Variants in ANKRD30B observed in about 807,000 individuals in gnomAD.
ANKRD30B encodes ankyrin repeat domain 30B, also known as ankyrin repeat domain-containing protein 30B.
Under a neutral mutation model 202.2 loss-of-function variants are expected in ANKRD30B, and 144 were observed. The observed-to-expected ratio is 0.71, with a 90% CI of 0.62 to 0.82. The LOEUF (loss-of-function observed/expected upper bound fraction) is 0.82, where lower values mean the gene tolerates loss of function less well. Among genes scored for constraint, ANKRD30B ranks in the 40% least tolerant of loss-of-function variants. ANKRD30B has a pLI of 0.00. For synonymous variants in ANKRD30B, 508 were observed against 561.3 expected, an observed-to-expected ratio of 0.91 and a Z score of 1.34; for missense variants, 1,487 against 1,669.1, an observed-to-expected ratio of 0.89 and a Z score of 1.90.
the ANKRD30B span, among the ~76,000 whole-genome samples, chr18:14,866,114 G>A: frequency 0.045 from 6,290 of 140,088 alleles, 425 homozygotes; most frequent in African/African-American, 0.15. Flanking sequence ...TCACCCAATC[G>A]GAACATGTAG....
In ANKRD30B at chr18:14,752,584, C is replaced by A. The variant is rs866642557; in HGVS notation, c.240C>A (p.Ala80=). The A allele has an allele frequency of 6.2e-7, 1 of 1,612,576 alleles. No homozygotes were observed. The highest frequency in any genetic ancestry group is 8.5e-7 in the Non-Finnish European group (1 of 1,179,164). The change falls in exon 2 of 44, where the codon GCC becomes GCA. Residue 80 remains alanine, a synonymous_variant. Coordinates refer to ENST00000690538, the MANE Select transcript of ANKRD30B (RefSeq NM_001367607.2). ...DMKKRTALHW[A]CVNGHAEVVT... ...CTCGTAGGACTGCTCTACACTGGGC[C>A]TGTGTCAATGGCCATGCAGAAGTAG...
the ANKRD30B span, among the ~76,000 whole-genome samples, chr18:14,889,809 T>C: frequency 5.3e-5 from 8 of 151,540 alleles, no homozygotes; most frequent in African/African-American, 1.9e-4. Flanking sequence ...GAACAAGCCA[T>C]TTGTCCAAAG....
the ANKRD30B span, among the ~76,000 whole-genome samples, chr18:14,913,411 A>G: frequency 6.6e-6 from 1 of 152,206 alleles, no homozygotes; most frequent in Non-Finnish European, 1.5e-5. Context: ...AGGGAATTTT[A>G]TGAATTTCCA....
chr18:14,795,333 G>A (rs1053179754), intron 16 of ANKRD30B, among the ~76,000 whole-genome samples: 1 of 152,186 alleles, frequency 6.6e-6, no homozygotes, highest in African/African-American at 2.4e-5. Flanking sequence ...AGTAGCTGCG[G>A]TTACAGGCAT....
At position 14,852,563 on chromosome 18, in the gene ANKRD30B, C is replaced by A. The variant is rs1171692341; in HGVS notation, c.4476+143C>A. The A allele has an allele frequency of 2.4e-5, 27 of 1,112,478 alleles. No homozygotes were observed. The East Asian group carries it at 7.7e-4, about 32-fold the overall frequency. 68.9% of individuals were successfully genotyped at this position (1,112,478 alleles called of 1,614,324 possible). A position where few individuals can be genotyped will look rare whatever the true frequency, so the allele number is the denominator to read the frequency against. On this transcript the variant is annotated intron_variant, in intron 42 of 43. Transcript: ENST00000690538. ...ATCAGCTTAGAAACATGCCTCATTT[C>A]CACCAAATGAAAGTGAAAGCTAAGA...
the ANKRD30B span, among the ~76,000 whole-genome samples, chr18:14,873,647 C>A: frequency 3.9e-5 from 6 of 152,052 alleles, no homozygotes; most frequent in Admixed American, 3.9e-4. Flanking sequence ...TTCTCTAAAC[C>A]CCCAATTCCC....
intron 15 of ANKRD30B, 134 bp downstream of exon 15, chr18:14,787,234 G>A (rs1263578110): frequency 5.5e-6 from 4 of 722,264 alleles, no homozygotes; most frequent in Admixed American, 3.2e-5. Context: ...TTCAGAATAC[G>A]CTTAATAGAG....
intron 14 of ANKRD30B, 65 bp from the exon 15 acceptor site, chr18:14,786,974 T>C: frequency 6.7e-7 from 1 of 1,486,816 alleles, no homozygotes; most frequent in African/African-American, 1.4e-5. Flanking sequence ...TAGACTTGTG[T>C]ATGTTTTTAA....
Position 14,784,281 on chromosome 18 carries a change from G to A in ANKRD30B, c.1571-55G>A, listed in dbSNP as rs561097864. On this transcript the variant is annotated intron_variant, in intron 12 of 43. Coordinates refer to ENST00000690538, the MANE Select transcript of ANKRD30B (RefSeq NM_001367607.2). ...TTAGATACTATCACTGCATTCACTC[G>A]GTTGGCTTTGTCATATTTACTTATG... The A allele has an allele frequency of 4.5e-5, 69 of 1,540,410 alleles. 1 individual carries two copies. In the South Asian group the frequency reaches 6.2e-4, roughly 14 times the overall value.
chr18:14,824,659 C>A (rs1324002703), intron 32 of ANKRD30B, among the ~76,000 whole-genome samples: 2 of 152,182 alleles, frequency 1.3e-5, no homozygotes, highest in East Asian at 3.9e-4. Context: ...TGGAAGCCAG[C>A]AATGTTTTCT....
intron 7 of ANKRD30B, among the ~76,000 whole-genome samples, chr18:14,767,587 TA>T (rs1019526640): frequency 1.3e-5 from 2 of 152,146 alleles, no homozygotes; most frequent in African/African-American, 4.8e-5. Context: ...CATGTGGTGT[TA>T]GGCTACTAAT....
At chr18:14,776,659 A>G (rs550240101) in intron 9 of ANKRD30B, among the ~76,000 whole-genome samples, 132 of 152,334 alleles carry the variant, frequency 8.7e-4, no homozygotes, top group African/African-American at 3.1e-3. Context: ...TGTGTCTGGC[A>G]TATGTTAGAT....
Position 14,837,655 on chromosome 18 carries a change from A to G in ANKRD30B, c.2967A>G (p.Thr989=), listed in dbSNP as rs1041047568. The change falls in exon 36 of 44, where the codon ACA becomes ACG. Residue 989 remains threonine, a synonymous_variant. Transcript: ENST00000690538. ...PTSELGRKED[T]KSTSDSEIIS... ...CAGAATTAGGAAGAAAAGAAGATAC[A>G]AAATCAACTTCAGATTCTGAGGTAC... The G allele has an allele frequency of 2.1e-5, 33 of 1,540,958 alleles. No homozygotes were observed. Among genetic ancestry groups the G allele is most frequent in the Non-Finnish European group, 2.6e-5 (30 of 1,144,702 alleles).
At chr18:14,795,827 T>C (rs1275599864) in intron 16 of ANKRD30B, among the ~76,000 whole-genome samples, 1 of 151,984 alleles carries the variant, frequency 6.6e-6, no homozygotes, top group Admixed American at 6.6e-5. Flanking sequence ...CAATATGCCA[T>C]AGCATTCTTC....
chr18:14,917,129 C>T, the ANKRD30B span, among the ~76,000 whole-genome samples: 1 of 152,200 alleles, frequency 6.6e-6, no homozygotes, highest in Non-Finnish European at 1.5e-5. Flanking sequence ...ACTCCCTCCC[C>T]CTGGCTGCGT....
rs770765402 is a variant in ANKRD30B, at chr18:14,796,406, T to A, written c.1918T>A (p.Phe640Ile). 1 of 1,550,804 alleles carries A rather than the reference T, an allele frequency of 6.4e-7. No homozygotes were observed. Among genetic ancestry groups the A allele is most frequent in the Non-Finnish European group, 8.7e-7 (1 of 1,148,056 alleles). The stretch of plus-strand genomic sequence containing the variant: ...CTTAGAATTAAAGGACAGAGAAACA[T>A]TCAAAGCAGGTAAATTTTGTAATTT... Reference protein sequence around the residue: ...KALELKDRETFKAESPDKDGL... With the variant: ...KALELKDRETIKAESPDKDGL... Residue 640 changes from phenylalanine to isoleucine, a missense_variant, in exon 18 of 44, where the codon TTC becomes ATC. Coordinates refer to ENST00000690538, the MANE Select transcript of ANKRD30B (RefSeq NM_001367607.2).
the ANKRD30B span, among the ~76,000 whole-genome samples, chr18:14,868,698 C>T: frequency 2.0e-5 from 3 of 152,410 alleles, no homozygotes; most frequent in Non-Finnish European, 2.9e-5. Context: ...AAAGAGGCAT[C>T]CTCCTGGACC....
chr18:14,890,112 A>T, the ANKRD30B span: 1 of 955,414 alleles, frequency 1.0e-6, no homozygotes, highest in Non-Finnish European at 1.7e-6. Flanking sequence ...TCACAGAAAG[A>T]CATGTCAGGT....
chr18:14,848,054 A>G (rs1457116885), intron 39 of ANKRD30B, among the ~76,000 whole-genome samples: 1 of 152,094 alleles, frequency 6.6e-6, no homozygotes, highest in Non-Finnish European at 1.5e-5. Flanking sequence ...TGTAACCAAG[A>G]GAGTCTGGTA....
Sources: gnomAD v4.1 joint callset for allele counts (sites outside exome capture counted in the v4.1 genomes callset) on GRCh38, gnomAD v4.1.1 for gene constraint, MANE v1.5 for transcripts, NCBI Gene and HGNC (gene_info 2026-07-23, HGNC 2026-07-21) for gene names.